C11orf86: variants seen among roughly 807,000 people sequenced by gnomAD.
The protein encoded by C11orf86 is uncharacterized protein C11orf86.
Under a neutral mutation model 11.1 loss-of-function variants are expected in C11orf86, and 13 were observed. The observed-to-expected ratio is 1.17, with a 90% CI of 0.76 to 1.86. The LOEUF (loss-of-function observed/expected upper bound fraction) is 1.86. Ranked by LOEUF, C11orf86 falls within the 40% of genes most tolerant of loss-of-function variation. The pLI, the probability that C11orf86 is intolerant of heterozygous loss-of-function variation, is 0.00. For missense variants in C11orf86, 144 were observed against 146.5 expected, an observed-to-expected ratio of 0.98 and a Z score of 0.09; for synonymous variants, 86 against 64.7, an observed-to-expected ratio of 1.33 and a Z score of -1.58.
At chr11:66,975,952 A>G (rs1949785177) in intron 1 of C11orf86, among the ~76,000 whole-genome samples, 2 of 152,200 alleles carry the variant, frequency 1.3e-5, no homozygotes, top group Non-Finnish European at 2.9e-5. Flanking sequence ...GAGATCAGCC[A>G]GTGCAACTTC....
In C11orf86 at chr11:66,976,273, T is replaced by G; in HGVS notation, c.*22T>G. The G allele has an allele frequency of 6.5e-7, 1 of 1,549,862 alleles. No individual in the cohort carries two copies. Among genetic ancestry groups the G allele is most frequent in the South Asian group, 1.2e-5 (1 of 84,056 alleles). On this transcript the variant is annotated 3_prime_UTR_variant, in exon 2 of 2. Transcript: ENST00000683896. ...GTAGCCCACACTGGGCACCATCAGC[T>G]AAAGATGCTGGAAGCCATCGTGGCC... is the stretch of plus-strand genomic sequence containing the variant.
At chr11:66,975,662 G>A (rs1949783665) in intron 1 of C11orf86, 24 bp downstream of exon 1, 2 of 1,543,284 alleles carry the variant, frequency 1.3e-6, no homozygotes, top group Non-Finnish European at 1.7e-6. Context: ...CTGAAGGATG[G>A]AGGGTACCAC....
chr11:66,976,947 C>T lies in C11orf86; in HGVS notation c.*696C>T, dbSNP rs1949794948. 6.6e-6 allele frequency: 1 copy of T among 152,328 alleles called. No homozygotes were observed. Among genetic ancestry groups the T allele is most frequent in the African/African-American group, 2.4e-5 (1 of 41,464 alleles). 9.4% of individuals were successfully genotyped at this position (152,328 alleles called of 1,614,324 possible). A position where few individuals can be genotyped will look rare whatever the true frequency, so the allele number is the denominator to read the frequency against. Reference sequence around the variant, plus strand: ...GGTTTTGACATCTCCGACCCCACCCCACCCCATCCAGTGTCCAGCACTGGA... The same window carrying T: ...GGTTTTGACATCTCCGACCCCACCCTACCCCATCCAGTGTCCAGCACTGGA... On this transcript the variant is annotated 3_prime_UTR_variant, in exon 2 of 2. Transcript: ENST00000683896.
Position 66,975,447 on chromosome 11 carries a change from G to A in C11orf86, c.85G>A (p.Glu29Lys), listed in dbSNP as rs960169197. ...KLQEPWGRPQ[E>K]GQLRRALSLR... ...GCAGGAGCCCTGGGGGAGGCCCCAGGAGGGCCAACTCCGCAGGGCGCTAAG... is the reference window on the plus strand; with the variant it reads ...GCAGGAGCCCTGGGGGAGGCCCCAGAAGGGCCAACTCCGCAGGGCGCTAAG... Residue 29 changes from glutamate (E) to lysine (K), a missense_variant, in exon 1 of 2, where the codon GAG becomes AAG. By Grantham distance (56) the Glu-to-Lys change is moderately conservative. Transcript: ENST00000683896. 5 of 1,550,948 alleles carry A rather than the reference G, an allele frequency of 3.2e-6. No individual in the cohort carries two copies. The African/African-American group carries it at 5.5e-5, about 17-fold the overall frequency.
chr11:66,976,139 A>G, intron 1 of C11orf86, 38 bp from the exon 2 acceptor site: 4 of 1,545,480 alleles, frequency 2.6e-6, no homozygotes, highest in Non-Finnish European at 3.5e-6. Flanking sequence ...TAAGCCCACC[A>G]CTCAGCCCAT....
At position 66,975,508 on chromosome 11, in the gene C11orf86, G is replaced by A. The variant is rs1949781241; in HGVS notation, c.146G>A (p.Gly49Asp). Residue 49 changes from glycine to aspartate, a missense_variant, in exon 1 of 2, where the codon GGC (glycine) becomes GAC (aspartate). Physicochemically the swap from Gly to Asp is moderately conservative, Grantham distance 94. Transcript: ENST00000683896. The part of the protein sequence containing the change: ...RQGQEKSRSQ[G>D]LERGTEGPDA... ...GGGCAAGAGAAGTCCAGGTCCCAGG[G>A]CCTCGAGAGAGGCACAGAAGGGCCA... The A allele has an allele frequency of 1.9e-6, 3 of 1,551,436 alleles. No homozygotes were observed. Among genetic ancestry groups the A allele is most frequent in the Admixed American group, 2.0e-5 (1 of 50,978 alleles).
chr11:66,976,565 C>A lies in C11orf86; in HGVS notation c.*314C>A. 2.8e-6 allele frequency: 1 copy of A among 361,688 alleles called. No homozygotes were observed. Among genetic ancestry groups the A allele is most frequent in the Non-Finnish European group, 5.1e-6 (1 of 196,226 alleles). 22.4% of individuals were successfully genotyped at this position (361,688 alleles called of 1,614,324 possible). A position where few individuals can be genotyped will look rare whatever the true frequency, so the allele number is the denominator to read the frequency against. The stretch of plus-strand genomic sequence containing the variant: ...TGATTCTATGAAGGTTTAGAAGAAG[C>A]CTGCCCGGAATGGGGGCTGTGGACG... On this transcript the variant is annotated 3_prime_UTR_variant, in exon 2 of 2. Transcript: ENST00000683896.
chr11:66,976,392 C>A lies in C11orf86; in HGVS notation c.*141C>A. On this transcript the variant is annotated 3_prime_UTR_variant, in exon 2 of 2. Transcript: ENST00000683896. Reference sequence around the variant, plus strand: ...CTGGGTGGCCCTAGGAGGCTTCTGCCACCAGCTCACTGGAGTCGCCACGTG... The same window carrying A: ...CTGGGTGGCCCTAGGAGGCTTCTGCAACCAGCTCACTGGAGTCGCCACGTG... 1.2e-6 allele frequency: 1 copy of A among 819,668 alleles called. No homozygotes were observed. Among genetic ancestry groups the A allele is most frequent in the Non-Finnish European group, 1.9e-6 (1 of 514,452 alleles). 50.8% of individuals were successfully genotyped at this position (819,668 alleles called of 1,614,324 possible).
rs1949779498 is a variant in C11orf86, at chr11:66,975,420, C to T, written c.58C>T (p.Leu20=). ...AGAGCCCCGACCCTCCTATGGAAAG[C>T]TGCAGGAGCCCTGGGGGAGGCCCCA... The part of the protein sequence containing the change: ...LREPRPSYGK[L]QEPWGRPQEG... The change falls in exon 1 of 2, where the codon CTG becomes TTG. Residue 20 remains leucine, a synonymous_variant. Coordinates refer to ENST00000683896, the MANE Select transcript of C11orf86 (RefSeq NM_001353554.2). The T allele has an allele frequency of 6.4e-7, 1 of 1,550,872 alleles. No homozygotes were observed. Among genetic ancestry groups the T allele is most frequent in the Non-Finnish European group, 8.7e-7 (1 of 1,146,898 alleles).
chr11:66,976,315 A>G lies in C11orf86; in HGVS notation c.*64A>G. On this transcript the variant is annotated 3_prime_UTR_variant, in exon 2 of 2. Coordinates refer to ENST00000683896, the MANE Select transcript of C11orf86 (RefSeq NM_001353554.2). ...ATCGTGGCCCCCTTGCTGTGCCTGG[A>G]CCAGCCCACCGTGTCTGCTGACCTA... 1 of 1,492,504 alleles carries G rather than the reference A, an allele frequency of 6.7e-7. No homozygotes were observed. Among genetic ancestry groups the G allele is most frequent in the Non-Finnish European group, 9.1e-7 (1 of 1,100,006 alleles). 92.5% of individuals were successfully genotyped at this position (1,492,504 alleles called of 1,614,324 possible).
At position 66,976,340 on chromosome 11, in the gene C11orf86, A is replaced by G. The variant is rs921287687; in HGVS notation, c.*89A>G. ...ACCAGCCCACCGTGTCTGCTGACCT[A>G]CCTCTTCACAGCTCTCTGGACTTTG... On this transcript the variant is annotated 3_prime_UTR_variant, in exon 2 of 2. Transcript: ENST00000683896. The G allele has an allele frequency of 1.1e-5, 15 of 1,364,968 alleles. No homozygotes were observed. In the African/African-American group the frequency reaches 1.9e-4, roughly 17 times the overall value. 84.6% of individuals were successfully genotyped at this position (1,364,968 alleles called of 1,614,324 possible).
At position 66,975,604 on chromosome 11, in the gene C11orf86, G is replaced by C; in HGVS notation, c.242G>C (p.Arg81Thr). Residue 81 changes from arginine to threonine, a missense_variant, in exon 1 of 2, where the codon AGA becomes ACA. Physicochemically the swap from Arg to Thr is moderately conservative, Grantham distance 71 (BLOSUM62 -1). Coordinates refer to ENST00000683896, the MANE Select transcript of C11orf86 (RefSeq NM_001353554.2). ...GAGCAGCTGATCCAAGCCCAGCGAA[G>C]AGGCAGCCGGTGGTGGCTGAGGCGG... is the stretch of plus-strand genomic sequence containing the variant. ...DTEQLIQAQRRGSRWWLRRYQ... is the reference protein window; with the variant it reads ...DTEQLIQAQRTGSRWWLRRYQ... The C allele has an allele frequency of 3.9e-6, 6 of 1,551,298 alleles. No individual in the cohort carries two copies. The highest frequency in any genetic ancestry group is 5.2e-6 in the Non-Finnish European group (6 of 1,146,826).
At chr11:66,975,760 G>A in intron 1 of C11orf86, 122 bp downstream of exon 1, 1 of 1,393,750 alleles carries the variant, frequency 7.2e-7, no homozygotes, top group East Asian at 2.5e-5. Context: ...GAGCTGCCTG[G>A]AGATGAGGGT....
Position 66,976,525 on chromosome 11 carries a change from A to AG in C11orf86, c.*278dup. Reference sequence around the variant, plus strand: ...AGCTGTCTGCCCTCTGGGCTTGGGTAGGGGCCTTGGACTATGATTCTATGA... The same window carrying AG: ...AGCTGTCTGCCCTCTGGGCTTGGGTAGGGGGCCTTGGACTATGATTCTATGA... On this transcript the variant is annotated 3_prime_UTR_variant, in exon 2 of 2. Transcript: ENST00000683896. 2 of 514,074 alleles carry AG rather than the reference A, an allele frequency of 3.9e-6. No individual in the cohort carries two copies. Among genetic ancestry groups the AG allele is most frequent in the South Asian group, 5.3e-5 (2 of 38,078 alleles). The allele number at this position is 514,074 out of a possible 1,614,324, so 31.8% of individuals were successfully genotyped here.
Position 66,976,352 on chromosome 11 carries a change from C to G in C11orf86, c.*101C>G. The G allele has an allele frequency of 2.3e-6, 3 of 1,295,006 alleles. No individual in the cohort carries two copies. Among genetic ancestry groups the G allele is most frequent in the Middle Eastern group, 2.1e-4 (1 of 4,736 alleles). 80.2% of individuals were successfully genotyped at this position (1,295,006 alleles called of 1,614,324 possible). On this transcript the variant is annotated 3_prime_UTR_variant, in exon 2 of 2. Coordinates refer to ENST00000683896, the MANE Select transcript of C11orf86 (RefSeq NM_001353554.2). ...TGTCTGCTGACCTACCTCTTCACAG[C>G]TCTCTGGACTTTGGCTGGGTGGCCC...
chr11:66,976,169 T>G lies in C11orf86; in HGVS notation c.277-8T>G. On this transcript the variant is annotated splice_polypyrimidine_tract_variant and splice_region_variant and intron_variant, in intron 1 of 1. Transcript: ENST00000683896. The stretch of plus-strand genomic sequence containing the variant: ...GCCCATGGGACCTCCCCCACCTCTG[T>G]CTTCCAGCAGGTAAGAAGAAGGTGG... 1 of 1,551,432 alleles carries G rather than the reference T, an allele frequency of 6.4e-7. No individual in the cohort carries two copies. The highest frequency in any genetic ancestry group is 8.7e-7 in the Non-Finnish European group (1 of 1,146,940).
In C11orf86 at chr11:66,976,455, T is replaced by C; in HGVS notation, c.*204T>C. 1.7e-6 allele frequency: 1 copy of C among 592,052 alleles called. No homozygotes were observed. 36.7% of individuals were successfully genotyped at this position (592,052 alleles called of 1,614,324 possible). A position where few individuals can be genotyped will look rare whatever the true frequency, so the allele number is the denominator to read the frequency against. On this transcript the variant is annotated 3_prime_UTR_variant, in exon 2 of 2. Transcript: ENST00000683896. Reference sequence around the variant, plus strand: ...AGCTCTGGCCCTTCCACTCCAGCACTAGCTCTCTTTGAAGATCCCAGCAGG... The same window carrying C: ...AGCTCTGGCCCTTCCACTCCAGCACCAGCTCTCTTTGAAGATCCCAGCAGG...
At position 66,975,310 on chromosome 11, in the gene C11orf86, C is replaced by T. The variant is rs1565317096; in HGVS notation, c.-53C>T. On this transcript the variant is annotated 5_prime_UTR_variant, in exon 1 of 2. Transcript: ENST00000683896. ...GGAGGCACTGGGCCACCTCAGAGGG[C>T]CAGTGTCTTGCTGAGGGGCCGGAGC... 7 of 1,519,158 alleles carry T rather than the reference C, an allele frequency of 4.6e-6. No individual in the cohort carries two copies. The highest frequency in any genetic ancestry group is 6.1e-6 in the Non-Finnish European group (7 of 1,139,280). 94.1% of individuals were successfully genotyped at this position (1,519,158 alleles called of 1,614,324 possible).
intron 1 of C11orf86, among the ~76,000 whole-genome samples, 197 bp downstream of exon 1, chr11:66,975,835 A>G (rs1432499010): frequency 1.3e-5 from 2 of 152,218 alleles, no homozygotes; most frequent in African/African-American, 2.4e-5. Flanking sequence ...TTTATCCCAC[A>G]GGCACTGGGG....
Sources: allele counts gnomAD v4.1 joint callset (sites outside exome capture counted in the v4.1 genomes callset), GRCh38; gene constraint gnomAD v4.1.1; transcripts MANE v1.5; gene names NCBI Gene and HGNC (gene_info 2026-07-23, HGNC 2026-07-21).